AP3B2: variants seen among roughly 807,000 people sequenced by gnomAD.
AP3B2 encodes the protein AP-3 complex subunit beta-2.
In AP3B2, 50 loss-of-function variants were observed where a neutral mutation model predicts 126.9. The ratio of observed to expected loss-of-function variants is 0.39; its 90% CI spans 0.31 to 0.50. AP3B2 has a LOEUF of 0.50. Ranked by LOEUF, AP3B2 falls within the 20% of genes least tolerant of loss-of-function variation. The probability of loss-of-function intolerance (pLI) is 0.79; values close to 1 mark genes in which losing one functional copy is unlikely to be tolerated. For missense variants in AP3B2, 1,177 were observed against 1,426.4 expected (o/e 0.83, Z 2.82); for synonymous variants, 541 against 565.0 (o/e 0.96, Z 0.60).
At chr15:82,697,976 G>C (rs947959459) in intron 1 of AP3B2, 1 of 152,516 alleles carries the variant, frequency 6.6e-6, no homozygotes, top group Admixed American at 6.5e-5. Flanking sequence ...CAGCACCGAG[G>C]GCCTAGGAAA....
chr15:82,679,782 G>T lies in AP3B2; in HGVS notation c.1129C>A (p.Leu377Met). 1.9e-6 allele frequency: 3 copies of T among 1,613,826 alleles called. No homozygotes were observed. The highest frequency in any genetic ancestry group is 2.5e-6 in the Non-Finnish European group (3 of 1,179,796). The change falls in exon 10 of 27, where the codon CTG becomes ATG. Residue 377 changes from leucine to methionine, a missense_variant. Physicochemically the swap from Leu to Met is conservative, Grantham distance 15. This residue lies in a region of AP3B2 where 308 missense variants were observed against 452.4 expected (regional missense o/e 0.68). Transcript: ENST00000535359. The part of the protein sequence containing the change: ...IKRRGMFEPY[L>M]KSFYIRSTDP... ...GTGGACCTGATGTAGAAGCTCTTCA[G>T]GTAGGGCTCAAACATACCCTGGCAC... is the stretch of plus-strand genomic sequence containing the variant.
intron 2 of AP3B2, 31 bp downstream of exon 2, chr15:82,689,345 GCC>G: frequency 6.2e-7 from 1 of 1,612,636 alleles, no homozygotes; most frequent in Non-Finnish European, 8.5e-7. Flanking sequence ...CCCAGGCCCC[GCC>G]CGGAGGGAGG....
chr15:82,679,641 G>T (rs1175651650), intron 10 of AP3B2, 88 bp downstream of exon 10: 5 of 1,252,392 alleles, frequency 4.0e-6, no homozygotes, highest in Non-Finnish European at 5.8e-6. Flanking sequence ...GGAATAGGCA[G>T]GCACCAGGGG....
rs1334301521 is a variant in AP3B2, at chr15:82,681,017, C to T, written c.591G>A (p.Leu197=). ...IEKLLADKTT[L]VAGSVVMAFE... is the part of the protein sequence containing the mutation. ...AGGCCATCACCACACTGCCCGCCAC[C>T]AGCTGGGGAAAGAACAAAGACGAGA... The change falls in exon 7 of 27, where the codon CTG becomes CTA. Residue 197 remains leucine, a splice_region_variant and synonymous_variant. Transcript: ENST00000535359. This position sits in a 1 kb window ranked among gnomAD's most constrained non-coding sequence, Gnocchi z 4.0. 4.3e-6 allele frequency: 7 copies of T among 1,613,814 alleles called. No homozygotes were observed. Among genetic ancestry groups the T allele is most frequent in the Non-Finnish European group, 5.1e-6 (6 of 1,179,876 alleles).
intron 1 of AP3B2, among the ~76,000 whole-genome samples, chr15:82,691,301 C>A (rs1378435698): frequency 6.6e-6 from 1 of 152,166 alleles, no homozygotes; most frequent in Non-Finnish European, 1.5e-5. Flanking sequence ...GATTGCCATT[C>A]TAACTGGTGT....
At chr15:82,704,914 TAAACCTCTC>T (rs1419020634) in intron 1 of AP3B2, among the ~76,000 whole-genome samples, 2 of 152,202 alleles carry the variant, frequency 1.3e-5, no homozygotes, top group East Asian at 3.8e-4. Context: ...GCCAGGCTTC[TAAACCTCTC>T]AAAACTCCCC....
At chr15:82,698,484 C>T (rs1009273966) in intron 1 of AP3B2, among the ~76,000 whole-genome samples, 7 of 151,860 alleles carry the variant, frequency 4.6e-5, no homozygotes, top group African/African-American at 1.7e-4. Context: ...CCACACACGT[C>T]CCCCTACACA....
Position 82,709,851 on chromosome 15 carries a change from G to C in AP3B2, c.-145C>G. ...TTCAGCAGAGGCTGCAGTGTGCAGCGGCGGAGGCTGCGCGCGGATTTCTCA... is the reference window on the plus strand; with the variant it reads ...TTCAGCAGAGGCTGCAGTGTGCAGCCGCGGAGGCTGCGCGCGGATTTCTCA... On this transcript the variant is annotated 5_prime_UTR_variant, in exon 1 of 27. Coordinates refer to ENST00000535359, the MANE Select transcript of AP3B2 (RefSeq NM_001278512.2). 1 of 542,468 alleles carries C rather than the reference G, an allele frequency of 1.8e-6. No individual in the cohort carries two copies. Among genetic ancestry groups the C allele is most frequent in the Non-Finnish European group, 3.0e-6 (1 of 338,974 alleles). The allele number at this position is 542,468 out of a possible 1,614,324, so 33.6% of individuals were successfully genotyped here. A position where few individuals can be genotyped will look rare whatever the true frequency, so the allele number is the denominator to read the frequency against.
At chr15:82,708,620 C>G (rs955766705) in intron 1 of AP3B2, among the ~76,000 whole-genome samples, 1 of 152,162 alleles carries the variant, frequency 6.6e-6, no homozygotes, top group East Asian at 1.9e-4. Flanking sequence ...AGCAGCCTGA[C>G]GTCCTTCTAA....
chr15:82,661,971 C>G, intron 24 of AP3B2, 49 bp from the exon 25 acceptor site: 6 of 1,519,118 alleles, frequency 3.9e-6, no homozygotes, highest in Non-Finnish European at 5.4e-6. Context: ...GTCATCTCTC[C>G]CCTCACTTCC....
intron 1 of AP3B2, among the ~76,000 whole-genome samples, chr15:82,700,303 G>A (rs903260186): frequency 4.8e-5 from 7 of 146,666 alleles, no homozygotes; most frequent in Admixed American, 3.5e-4. Flanking sequence ...ACCCTCCCCC[G>A]CAACCCCTGT....
intron 1 of AP3B2, among the ~76,000 whole-genome samples, chr15:82,705,377 T>C (rs2048781162): frequency 6.6e-6 from 1 of 152,160 alleles, no homozygotes; most frequent in Non-Finnish European, 1.5e-5. Context: ...TACAATTAGT[T>C]CAGGATCTGT....
intron 1 of AP3B2, among the ~76,000 whole-genome samples, chr15:82,708,280 G>C (rs375400389): frequency 1.4e-5 from 2 of 140,584 alleles, no homozygotes; most frequent in African/African-American, 2.7e-5. Context: ...CCTGTAAAAC[G>C]GTCCCACCCC....
In AP3B2 at chr15:82,665,711, T is replaced by C; in HGVS notation, c.1853-136A>G. 1 of 660,312 alleles carries C rather than the reference T, an allele frequency of 1.5e-6. No homozygotes were observed. 40.9% of individuals were successfully genotyped at this position (660,312 alleles called of 1,614,324 possible). On this transcript the variant is annotated intron_variant, in intron 15 of 26. Coordinates refer to ENST00000535359, the MANE Select transcript of AP3B2 (RefSeq NM_001278512.2). The surrounding 1 kb of genome is among the most constrained non-coding windows in gnomAD (Gnocchi z 4.4). ...AGGGGAAGGAGATGGATGTGTGCCC[T>C]AATGGCTCTTCCACCCTGACTGCAC...
chr15:82,666,548 G>A (rs2048061847), intron 15 of AP3B2, among the ~76,000 whole-genome samples, 199 bp downstream of exon 15: 1 of 152,194 alleles, frequency 6.6e-6, no homozygotes, highest in Non-Finnish European at 1.5e-5. Context: ...CCTCAGGTGA[G>A]ATGATGCTGG....
In AP3B2 at chr15:82,689,362, C is replaced by T; in HGVS notation, c.189+16G>A. ...CAGGCCCCGCCCGGAGGGAGGCCTC[C>T]TCCTTCCCCTCTTACCGCCACAATC... is the stretch of plus-strand genomic sequence containing the variant. On this transcript the variant is annotated intron_variant, in intron 2 of 26. Transcript: ENST00000535359. 1 of 1,613,692 alleles carries T rather than the reference C, an allele frequency of 6.2e-7. No homozygotes were observed. The highest frequency in any genetic ancestry group is 8.5e-7 in the Non-Finnish European group (1 of 1,179,766).
chr15:82,676,960 G>C (rs2048252442), intron 13 of AP3B2, among the ~76,000 whole-genome samples: 1 of 152,210 alleles, frequency 6.6e-6, no homozygotes, highest in Non-Finnish European at 1.5e-5. Flanking sequence ...CTTTGGGAAT[G>C]CCTTGTTTAG....
At chr15:82,691,778 G>C in intron 1 of AP3B2, 1 of 1,559,758 alleles carries the variant, frequency 6.4e-7, no homozygotes, top group South Asian at 1.1e-5. Context: ...TTAGTATGGA[G>C]AGTCACGGCC....
At position 82,689,215 on chromosome 15, in the gene AP3B2, C is replaced by T. The variant is rs745374789; in HGVS notation, c.207G>A (p.Lys69=). The T allele has an allele frequency of 1.8e-5, 29 of 1,613,896 alleles. No individual in the cohort carries two copies. Among genetic ancestry groups the T allele is most frequent in the African/African-American group, 1.3e-5 (1 of 74,938 alleles). The change falls in exon 3 of 27, where the codon AAG becomes AAA. Residue 69 remains lysine (K), a synonymous_variant. Coordinates refer to ENST00000535359, the MANE Select transcript of AP3B2 (RefSeq NM_001278512.2). ...KRIVAMIARG[K]NASDLFPAVV... ...CCGCGGGAAACAGGTCTGAAGCATT[C>T]TTTCCTCGGGCAATCATCTGGGTGG...
Sources: gnomAD v4.1 joint callset for allele counts (sites outside exome capture counted in the v4.1 genomes callset) on GRCh38, gnomAD v4.1.1 for gene constraint, gnomAD v4.1.1 regional missense constraint, Gnocchi (gnomAD v3.1) non-coding constraint, MANE v1.5 for transcripts, NCBI Gene and HGNC (gene_info 2026-07-23, HGNC 2026-07-21) for gene names.